PROB1: variants seen among roughly 807,000 people sequenced by gnomAD.
PROB1 encodes the protein proline rich basic protein 1.
For missense variants in PROB1, 1,453 were observed against 1,485.7 expected (o/e 0.98, Z 0.36); for synonymous variants, 660 against 699.3 (o/e 0.94, Z 0.89).
chr5:139,392,284 A>T lies in PROB1; in HGVS notation c.2798T>A (p.Leu933Gln), dbSNP rs906314446. The change falls in exon 1 of 1, where the codon CTG becomes CAG. Residue 933 changes from leucine to glutamine, a missense_variant. Coordinates refer to ENST00000434752, the MANE Select transcript of PROB1 (RefSeq NM_001161546.2). The surrounding 1 kb of genome is among the most constrained non-coding windows in gnomAD (Gnocchi z 5.8). Reference protein sequence around the residue: ...PGPPHRVYTPLALGLGLYPPA... With the variant: ...PGPPHRVYTPQALGLGLYPPA... ...CGGGTAGAGGCCGAGCCCCAGGGCC[A>T]GAGGGGTGTAGACGCGGTGGGGCGG... The T allele has an allele frequency of 6.6e-7, 1 of 1,524,402 alleles. No homozygotes were observed. The highest frequency in any genetic ancestry group is 8.8e-7 in the Non-Finnish European group (1 of 1,134,064). The allele number at this position is 1,524,402 out of a possible 1,614,324, so 94.4% of individuals were successfully genotyped here. A position where few individuals can be genotyped will look rare whatever the true frequency, so the allele number is the denominator to read the frequency against.
chr5:139,394,322 C>T lies in PROB1; in HGVS notation c.760G>A (p.Ala254Thr). Reference protein sequence around the residue: ...LQAAAGFVQTALARKLSPEAP... With the variant: ...LQAAAGFVQTTLARKLSPEAP... ...TCGGGGCTCAGTTTTCTGGCCAACG[C>T]CGTCTGCACGAAGCCCGCGGCGGCC... Residue 254 changes from alanine to threonine, a missense_variant, in exon 1 of 1, where the codon GCG becomes ACG. Physicochemically the swap from Ala to Thr is moderately conservative, Grantham distance 58. Coordinates refer to ENST00000434752, the MANE Select transcript of PROB1 (RefSeq NM_001161546.2). The T allele has an allele frequency of 6.8e-7, 1 of 1,470,850 alleles. No homozygotes were observed. The allele number at this position is 1,470,850 out of a possible 1,614,324, so 91.1% of individuals were successfully genotyped here.
Position 139,392,170 on chromosome 5 carries a change from TCA to T in PROB1, c.2910_2911del (p.Glu971GlyfsTer79). On this transcript the variant is annotated frameshift_variant, in exon 1 of 1. Coordinates refer to ENST00000434752, the MANE Select transcript of PROB1 (RefSeq NM_001161546.2). LOFTEE classifies it low-confidence loss of function (END_TRUNC). The surrounding 1 kb of genome is among the most constrained non-coding windows in gnomAD (Gnocchi z 5.8). Reference sequence around the variant, plus strand: ...GTAGGTCCCGTCCAGGGGCCCTGCCTCAGAGACCCAGGGTAGCTGGGGGCTGC... The same window carrying T: ...GTAGGTCCCGTCCAGGGGCCCTGCCTGAGACCCAGGGTAGCTGGGGGCTGC... 4 of 1,407,376 alleles carry T rather than the reference TCA, an allele frequency of 2.8e-6. No individual in the cohort carries two copies. The highest frequency in any genetic ancestry group is 3.7e-6 in the Non-Finnish European group (4 of 1,075,752). 87.2% of individuals were successfully genotyped at this position (1,407,376 alleles called of 1,614,324 possible).
chr5:139,393,715 G>A lies in PROB1; in HGVS notation c.1367C>T (p.Pro456Leu), dbSNP rs1227074882. ...ETVSRRSPSP[P>L]ILSQWNQCVA... ...ACACTGATTCCACTGGGAAAGGATC[G>A]GAGGGGAAGGGCTTCTCCTGCTGAC... is the stretch of plus-strand genomic sequence containing the variant. Residue 456 changes from proline (P) to leucine (L), a missense_variant, in exon 1 of 1, where the codon CCG (proline) becomes CTG (leucine). Physicochemically the swap from Pro to Leu is moderately conservative, Grantham distance 98 (BLOSUM62 -3). Coordinates refer to ENST00000434752, the MANE Select transcript of PROB1 (RefSeq NM_001161546.2). The A allele has an allele frequency of 3.2e-6, 5 of 1,551,124 alleles. No homozygotes were observed. The African/African-American group carries it at 4.1e-5, about 13-fold the overall frequency.
Position 139,394,189 on chromosome 5 carries a change from C to T in PROB1, c.893G>A (p.Arg298Gln), listed in dbSNP as rs1758650450. ...CGAATTATCTCGTACGCGAAGTGGC[C>T]GAGACTTAGCCTTCTCCAGGACCAC... Reference protein sequence around the residue: ...THVVLEKAKSRPLRVRDNSAP... With the variant: ...THVVLEKAKSQPLRVRDNSAP... Residue 298 changes from arginine to glutamine, a missense_variant, in exon 1 of 1, where the codon CGG becomes CAG. By Grantham distance (43) the Arg-to-Gln change is conservative. Transcript: ENST00000434752. 6.5e-7 allele frequency: 1 copy of T among 1,547,488 alleles called. No homozygotes were observed. The highest frequency in any genetic ancestry group is 8.7e-7 in the Non-Finnish European group (1 of 1,144,620).
At position 139,393,844 on chromosome 5, in the gene PROB1, T is replaced by A; in HGVS notation, c.1238A>T (p.Gln413Leu). 1 of 1,550,790 alleles carries A rather than the reference T, an allele frequency of 6.4e-7. No individual in the cohort carries two copies. The highest frequency in any genetic ancestry group is 8.7e-7 in the Non-Finnish European group (1 of 1,146,848). The change falls in exon 1 of 1, where the codon CAG becomes CTG. Residue 413 changes from glutamine to leucine, a missense_variant. Coordinates refer to ENST00000434752, the MANE Select transcript of PROB1 (RefSeq NM_001161546.2). ...AVRGPRCPSP[Q>L]NLSPWDRTTR... Reference sequence around the variant, plus strand: ...AGTCCGATCCCACGGGGACAGGTTCTGGGGCGACGGGCAGCGAGGACCCCG... The same window carrying A: ...AGTCCGATCCCACGGGGACAGGTTCAGGGGCGACGGGCAGCGAGGACCCCG...
rs762495289 is a variant in PROB1, at chr5:139,393,852, C to G, written c.1230G>C (p.Pro410=). The G allele has an allele frequency of 6.4e-6, 10 of 1,550,624 alleles. No individual in the cohort carries two copies. In the South Asian group the frequency reaches 1.2e-4, roughly 18 times the overall value. The part of the protein sequence containing the change: ...PNGAVRGPRC[P]SPQNLSPWDR... Reference sequence around the variant, plus strand: ...CCCACGGGGACAGGTTCTGGGGCGACGGGCAGCGAGGACCCCGTACAGCCC... The same window carrying G: ...CCCACGGGGACAGGTTCTGGGGCGAGGGGCAGCGAGGACCCCGTACAGCCC... Residue 410 remains proline (P), a synonymous_variant, in exon 1 of 1, where the codon CCG becomes CCC. Transcript: ENST00000434752.
At position 139,394,274 on chromosome 5, in the gene PROB1, T is replaced by A; in HGVS notation, c.808A>T (p.Thr270Ser). 6.5e-7 allele frequency: 1 copy of A among 1,541,916 alleles called. No homozygotes were observed. Among genetic ancestry groups the A allele is most frequent in the Non-Finnish European group, 8.8e-7 (1 of 1,142,452 alleles). ...TCCGACCGCCCCGTGGACCCGAAGG[T>A]GGCGCTGCTCGGGGCCGGGGCCTCG... ...SPEAPAPSSA[T>S]FGSTGRSEPE... Residue 270 changes from threonine (T) to serine (S), a missense_variant, in exon 1 of 1, where the codon ACC becomes TCC. Physicochemically the swap from Thr to Ser is moderately conservative, Grantham distance 58. Coordinates refer to ENST00000434752, the MANE Select transcript of PROB1 (RefSeq NM_001161546.2).
In PROB1 at chr5:139,392,455, G is replaced by GC; in HGVS notation, c.2626dup (p.Ala876GlyfsTer34). On this transcript the variant is annotated frameshift_variant, in exon 1 of 1. Transcript: ENST00000434752. LOFTEE classifies it low-confidence loss of function (END_TRUNC). This position sits in a 1 kb window ranked among gnomAD's most constrained non-coding sequence, Gnocchi z 5.8. The stretch of plus-strand genomic sequence containing the variant: ...CACCAAGACCTTCCCCAGGGGCGCG[G>GC]CCCCGGGCTGCCTGCGCGCTCCCTG... 7.1e-7 allele frequency: 1 copy of GC among 1,406,398 alleles called. No individual in the cohort carries two copies. The highest frequency in any genetic ancestry group is 9.2e-7 in the Non-Finnish European group (1 of 1,083,200). 87.1% of individuals were successfully genotyped at this position (1,406,398 alleles called of 1,614,324 possible). A position where few individuals can be genotyped will look rare whatever the true frequency, so the allele number is the denominator to read the frequency against.
Position 139,394,494 on chromosome 5 carries a change from G to T in PROB1, c.588C>A (p.Gly196=). ...FECVEVALEE[G]AAPARPRTVP... ...CTGTCCGGGGCCTGGCGGGCGCGGC[G>T]CCCTCCTCCAGAGCCACCTCCACAC... is the stretch of plus-strand genomic sequence containing the variant. The change falls in exon 1 of 1, where the codon GGC becomes GGA. Residue 196 remains glycine, a synonymous_variant. Coordinates refer to ENST00000434752, the MANE Select transcript of PROB1 (RefSeq NM_001161546.2). 1 of 1,422,546 alleles carries T rather than the reference G, an allele frequency of 7.0e-7. No individual in the cohort carries two copies. 88.1% of individuals were successfully genotyped at this position (1,422,546 alleles called of 1,614,324 possible). A position where few individuals can be genotyped will look rare whatever the true frequency, so the allele number is the denominator to read the frequency against.
At position 139,393,253 on chromosome 5, in the gene PROB1, C is replaced by A. The variant is rs1433910808; in HGVS notation, c.1829G>T (p.Gly610Val). The A allele has an allele frequency of 1.3e-6, 2 of 1,549,370 alleles. No homozygotes were observed. Among genetic ancestry groups the A allele is most frequent in the Admixed American group, 3.9e-5 (2 of 50,990 alleles). ...GCGCGGGCGTCCCGAGGCCGCCTCTCCAGGACCCAAGACTTCCGGGCACTT... is the reference window on the plus strand; with the variant it reads ...GCGCGGGCGTCCCGAGGCCGCCTCTACAGGACCCAAGACTTCCGGGCACTT... ...ADKCPEVLGPGEAASGRPRMA... is the reference protein window; with the variant it reads ...ADKCPEVLGPVEAASGRPRMA... Residue 610 changes from glycine to valine, a missense_variant, in exon 1 of 1, where the codon GGA becomes GTA. Gly to Val is a moderately radical substitution (Grantham distance 109). Coordinates refer to ENST00000434752, the MANE Select transcript of PROB1 (RefSeq NM_001161546.2).
Position 139,392,455 on chromosome 5 carries a change from G to A in PROB1, c.2627C>T (p.Ala876Val). Residue 876 changes from alanine (A) to valine (V), a missense_variant, in exon 1 of 1, where the codon GCC (alanine) becomes GTC (valine). Coordinates refer to ENST00000434752, the MANE Select transcript of PROB1 (RefSeq NM_001161546.2). The surrounding 1 kb of genome is among the most constrained non-coding windows in gnomAD (Gnocchi z 5.8). ...PSQGARRQPG[A>V]APLGKVLVDP... ...CACCAAGACCTTCCCCAGGGGCGCG[G>A]CCCCGGGCTGCCTGCGCGCTCCCTG... 7.1e-7 allele frequency: 1 copy of A among 1,406,398 alleles called. No homozygotes were observed. The highest frequency in any genetic ancestry group is 9.2e-7 in the Non-Finnish European group (1 of 1,083,200). The allele number at this position is 1,406,398 out of a possible 1,614,324, so 87.1% of individuals were successfully genotyped here.
rs1001114950 is a variant in PROB1 at position 139,393,638 on chromosome 5, G to C, written c.1444C>G (p.Pro482Ala). ...ACCGCATCCGCGACTGCCGAATGTG[G>C]AATCTCCCACAGGGAAGGGGCTTCG... is the stretch of plus-strand genomic sequence containing the variant. The part of the protein sequence containing the change: ...SLEAPSLWEI[P>A]HSAVADAVEP... Residue 482 changes from proline to alanine, a missense_variant, in exon 1 of 1, where the codon CCA (proline) becomes GCA (alanine). Pro to Ala is a conservative substitution (Grantham distance 27). Transcript: ENST00000434752. 6.5e-7 allele frequency: 1 copy of C among 1,550,226 alleles called. No homozygotes were observed. Among genetic ancestry groups the C allele is most frequent in the African/African-American group, 1.4e-5 (1 of 72,856 alleles).
Position 139,393,116 on chromosome 5 carries a change from A to G in PROB1, c.1966T>C (p.Cys656Arg). Residue 656 changes from cysteine (C) to arginine (R), a missense_variant, in exon 1 of 1, where the codon TGC becomes CGC. Cys to Arg is a radical substitution (Grantham distance 180). Transcript: ENST00000434752. Reference sequence around the variant, plus strand: ...TTGGATTCGCCGCCCTCCTCCCCGCAGGGGTCGGCAGGAGGCGCAGGCAGC... The same window carrying G: ...TTGGATTCGCCGCCCTCCTCCCCGCGGGGGTCGGCAGGAGGCGCAGGCAGC... ...SGLPAPPADPCGEEGGESKTQ... is the reference protein window; with the variant it reads ...SGLPAPPADPRGEEGGESKTQ... 2.0e-6 allele frequency: 3 copies of G among 1,526,392 alleles called. No individual in the cohort carries two copies. Among genetic ancestry groups the G allele is most frequent in the South Asian group, 1.2e-5 (1 of 81,084 alleles). 94.6% of individuals were successfully genotyped at this position (1,526,392 alleles called of 1,614,324 possible). A position where few individuals can be genotyped will look rare whatever the true frequency, so the allele number is the denominator to read the frequency against.
chr5:139,391,997 C>T lies in PROB1; in HGVS notation c.*37G>A. ...TTGGATGCCAGAACCTCCCAGGCAT[C>T]CAAGGGCTCCAACTCCATGGGGATC... is the stretch of plus-strand genomic sequence containing the variant. On this transcript the variant is annotated 3_prime_UTR_variant, in exon 1 of 1. Coordinates refer to ENST00000434752, the MANE Select transcript of PROB1 (RefSeq NM_001161546.2). The surrounding 1 kb of genome is among the most constrained non-coding windows in gnomAD (Gnocchi z 4.8). 1.5e-6 allele frequency: 2 copies of T among 1,336,962 alleles called. No homozygotes were observed. The highest frequency in any genetic ancestry group is 1.9e-6 in the Non-Finnish European group (2 of 1,037,334). 82.8% of individuals were successfully genotyped at this position (1,336,962 alleles called of 1,614,324 possible).
Position 139,393,419 on chromosome 5 carries a change from C to A in PROB1, c.1663G>T (p.Gly555Cys). The change falls in exon 1 of 1, where the codon GGC (glycine) becomes TGC (cysteine). Residue 555 changes from glycine to cysteine, a missense_variant. Coordinates refer to ENST00000434752, the MANE Select transcript of PROB1 (RefSeq NM_001161546.2). Reference sequence around the variant, plus strand: ...TGCATCTCTGTTGGTTCTGGAGTGCCGGGTGCGGACGGTGTAGGCGGTGCC... The same window carrying A: ...TGCATCTCTGTTGGTTCTGGAGTGCAGGGTGCGGACGGTGTAGGCGGTGCC... Reference protein sequence around the residue: ...ELAPPTPSAPGTPEPTEMQSP... With the variant: ...ELAPPTPSAPCTPEPTEMQSP... 3.2e-6 allele frequency: 5 copies of A among 1,551,658 alleles called. No individual in the cohort carries two copies. The highest frequency in any genetic ancestry group is 4.4e-6 in the Non-Finnish European group (5 of 1,147,004).
Position 139,393,273 on chromosome 5 carries a change from G to T in PROB1, c.1809C>A (p.Cys603Ter). ...CCTCTCCAGGACCCAAGACTTCCGG[G>T]CACTTATCCGCGTCCAGGGTGCCCA... ...HPVGTLDADK[C>*]PEVLGPGEAA... The change falls in exon 1 of 1, where the codon TGC (cysteine) becomes TGA (stop). Residue 603 changes from cysteine (C) to a stop codon, truncating the protein, a stop_gained. Coordinates refer to ENST00000434752, the MANE Select transcript of PROB1 (RefSeq NM_001161546.2). LOFTEE classifies it low-confidence loss of function (END_TRUNC). 1 of 1,549,824 alleles carries T rather than the reference G, an allele frequency of 6.5e-7. No individual in the cohort carries two copies. The highest frequency in any genetic ancestry group is 1.7e-4 in the Middle Eastern group (1 of 5,992).
rs1490664208 is a variant in PROB1 at position 139,394,889 on chromosome 5, C to T, written c.193G>A (p.Ala65Thr). ...NWPWVAPGRGAGAQPRLSVSA... is the reference protein window; with the variant it reads ...NWPWVAPGRGTGAQPRLSVSA... ...ACGGACAGGCGAGGCTGCGCGCCCG[C>T]CCCCCGCCCAGGAGCCACCCAGGGC... The change falls in exon 1 of 1, where the codon GCG becomes ACG. Residue 65 changes from alanine to threonine, a missense_variant. Transcript: ENST00000434752. The T allele has an allele frequency of 4.0e-6, 6 of 1,511,348 alleles. No individual in the cohort carries two copies. Among genetic ancestry groups the T allele is most frequent in the East Asian group, 2.6e-5 (1 of 38,004 alleles). 93.6% of individuals were successfully genotyped at this position (1,511,348 alleles called of 1,614,324 possible).
Position 139,391,930 on chromosome 5 carries a change from G to T in PROB1, c.*104C>A. ...TTCCTGTCCGACGACTGACTGGGAT[G>T]GGTTAAAGACAGAGGCGACGGAAGG... On this transcript the variant is annotated 3_prime_UTR_variant, in exon 1 of 1. Transcript: ENST00000434752. The surrounding 1 kb of genome is among the most constrained non-coding windows in gnomAD (Gnocchi z 4.8). 1 of 903,918 alleles carries T rather than the reference G, an allele frequency of 1.1e-6. No homozygotes were observed. Among genetic ancestry groups the T allele is most frequent in the Non-Finnish European group, 1.5e-6 (1 of 678,522 alleles). 56.0% of individuals were successfully genotyped at this position (903,918 alleles called of 1,614,324 possible).
In PROB1 at chr5:139,392,591, C is replaced by G; in HGVS notation, c.2491G>C (p.Val831Leu). The change falls in exon 1 of 1, where the codon GTC (valine) becomes CTC (leucine). Residue 831 changes from valine to leucine, a missense_variant. Physicochemically the swap from Val to Leu is conservative, Grantham distance 32. Coordinates refer to ENST00000434752, the MANE Select transcript of PROB1 (RefSeq NM_001161546.2). This position sits in a 1 kb window ranked among gnomAD's most constrained non-coding sequence, Gnocchi z 5.8. Reference sequence around the variant, plus strand: ...GGCTCCCGCGGGAGTGGCGCCTGGACGGCAGCCGCGGGCTCGGGGGCCGTA... The same window carrying G: ...GGCTCCCGCGGGAGTGGCGCCTGGAGGGCAGCCGCGGGCTCGGGGGCCGTA... ...PPTAPEPAAA[V>L]QAPLPREPLA... is the part of the protein sequence containing the mutation. The G allele has an allele frequency of 7.3e-7, 1 of 1,365,300 alleles. No homozygotes were observed. The highest frequency in any genetic ancestry group is 1.8e-5 in the South Asian group (1 of 54,780). The allele number at this position is 1,365,300 out of a possible 1,614,324, so 84.6% of individuals were successfully genotyped here. A position where few individuals can be genotyped will look rare whatever the true frequency, so the allele number is the denominator to read the frequency against.
Sources: allele counts gnomAD v4.1 joint callset, GRCh38; gene constraint gnomAD v4.1.1; non-coding constraint Gnocchi (gnomAD v3.1); transcripts MANE v1.5; gene names NCBI Gene and HGNC (gene_info 2026-07-23, HGNC 2026-07-21).